Variants in CAMK1D observed in about 807,000 individuals in gnomAD.
CAMK1D encodes the protein calcium/calmodulin dependent protein kinase ID.
Under a neutral mutation model 47.7 loss-of-function variants are expected in CAMK1D, and 9 were observed. That is an observed-to-expected ratio of 0.19 (90% confidence interval 0.11 to 0.33). The LOEUF (loss-of-function observed/expected upper bound fraction) is 0.33. Ranked by LOEUF, CAMK1D falls within the 10% of genes least tolerant of loss-of-function variation. The pLI is 1.00. For synonymous variants in CAMK1D, 184 were observed against 184.9 expected, an observed-to-expected ratio of 0.99 and a Z score of 0.04; for missense variants, 291 against 488.7, an observed-to-expected ratio of 0.60 and a Z score of 3.81.
In CAMK1D at chr10:12,422,115, C is replaced by T. The variant is rs187975790; in HGVS notation, c.92+72205C>T. 1.2e-3 allele frequency among the ~76,000 whole-genome samples: 188 copies of T among 152,122 alleles called. 1 individual carries two copies. The highest frequency in any genetic ancestry group is 4.3e-3 in the African/African-American group (180 of 41,488). On this transcript the variant is annotated intron_variant, in intron 1 of 10. Coordinates refer to ENST00000619168, the MANE Select transcript of CAMK1D (RefSeq NM_153498.4). ...TGAGCCACTGTGCCCAGTCTTGGGA[C>T]ACTTTTTGATAGCTCCTGATCATGC...
At chr10:12,778,968 G>A (rs910532233) in intron 5 of CAMK1D, among the ~76,000 whole-genome samples, 1 of 152,214 alleles carries the variant, frequency 6.6e-6, no homozygotes, top group African/African-American at 2.4e-5. Context: ...TAGGACTTGA[G>A]CAAAAGTAAG....
At chr10:12,505,859 TTCC>T (rs140049789) in intron 1 of CAMK1D, among the ~76,000 whole-genome samples, 36,150 of 151,360 alleles carry the variant, frequency 0.24, 4,865 homozygotes, top group South Asian at 0.33. Context: ...AGCTGTCATC[TTCC>T]TCCTCCTCCT....
intron 5 of CAMK1D, among the ~76,000 whole-genome samples, chr10:12,770,001 C>T (rs192081758): frequency 6.6e-6 from 1 of 152,346 alleles, no homozygotes; most frequent in Non-Finnish European, 1.5e-5. Flanking sequence ...GTGATTTCCC[C>T]TGAAAACTTT....
chr10:12,810,361 G>A (rs183662516), intron 6 of CAMK1D, among the ~76,000 whole-genome samples: 4 of 144,396 alleles, frequency 2.8e-5, no homozygotes, highest in Non-Finnish European at 6.0e-5. Context: ...TGCAACCTCC[G>A]CCTCCCGGGT....
chr10:12,562,306 C>T (rs1836969612), intron 2 of CAMK1D, among the ~76,000 whole-genome samples: 1 of 152,158 alleles, frequency 6.6e-6, no homozygotes, highest in South Asian at 2.1e-4. Context: ...GCATCCATCC[C>T]TACATGATGG....
chr10:12,409,125 G>A lies in CAMK1D; in HGVS notation c.92+59215G>A, dbSNP rs142543288. ...GCCTGCCTCAACCTCCCAAAGTGCT[G>A]GTATTACAGGCGTGAGCCACTGCAC... On this transcript the variant is annotated intron_variant, in intron 1 of 10. Coordinates refer to ENST00000619168, the MANE Select transcript of CAMK1D (RefSeq NM_153498.4). 2.9e-3 allele frequency among the ~76,000 whole-genome samples: 443 copies of A among 152,128 alleles called. 1 individual carries two copies. The highest frequency in any genetic ancestry group is 0.01 in the African/African-American group (418 of 41,508).
At chr10:12,808,148 A>T (rs903223865) in intron 6 of CAMK1D, among the ~76,000 whole-genome samples, 1 of 152,156 alleles carries the variant, frequency 6.6e-6, no homozygotes, top group African/African-American at 2.4e-5. Flanking sequence ...ATTCCTGCTT[A>T]TCCCCTGAGA....
chr10:12,392,321 A>G (rs1838765447), intron 1 of CAMK1D, among the ~76,000 whole-genome samples: 2 of 152,042 alleles, frequency 1.3e-5, no homozygotes, highest in African/African-American at 4.8e-5. Context: ...AAACAAAATC[A>G]AAAATCAAAA....
intron 1 of CAMK1D, among the ~76,000 whole-genome samples, chr10:12,517,680 T>C (rs1274218396): frequency 6.6e-6 from 1 of 152,210 alleles, no homozygotes; most frequent in Non-Finnish European, 1.5e-5. Context: ...ATCGGTTGAT[T>C]TTTGAATGTT....
At chr10:12,427,640 T>C (rs1306922527) in intron 1 of CAMK1D, among the ~76,000 whole-genome samples, 1 of 150,916 alleles carries the variant, frequency 6.6e-6, no homozygotes. Context: ...GTTTCAAGCA[T>C]TTATTTCTGG....
intron 1 of CAMK1D, among the ~76,000 whole-genome samples, chr10:12,391,297 A>G (rs1254438568): frequency 6.6e-6 from 1 of 152,152 alleles, no homozygotes; most frequent in Non-Finnish European, 1.5e-5. Flanking sequence ...CACTATGTAA[A>G]TTAACTTTCC....
At chr10:12,814,528 A>G (rs564724167) in intron 7 of CAMK1D, among the ~76,000 whole-genome samples, 15 of 152,296 alleles carry the variant, frequency 9.8e-5, no homozygotes, top group African/African-American at 3.4e-4. Flanking sequence ...TCAATTCGCC[A>G]GCACATTGAG....
intron 2 of CAMK1D, among the ~76,000 whole-genome samples, chr10:12,653,915 G>A (rs538957946): frequency 5.9e-5 from 9 of 152,146 alleles, no homozygotes; most frequent in Non-Finnish European, 1.3e-4. Flanking sequence ...GCTATTCAGG[G>A]CACCTGTTGG....
At position 12,760,707 on chromosome 10, in the gene CAMK1D, C is replaced by G. The variant is rs1473197502; in HGVS notation, c.300-241C>G. ...CAGAGGCAGAGGCCTGGACAGAACCCAGGTGTGGCTGGTCCGTGGATCGTG... is the reference window on the plus strand; with the variant it reads ...CAGAGGCAGAGGCCTGGACAGAACCGAGGTGTGGCTGGTCCGTGGATCGTG... On this transcript the variant is annotated intron_variant, in intron 3 of 10. Transcript: ENST00000619168. 1.9e-5 allele frequency: 9 copies of G among 463,494 alleles called. No homozygotes were observed. The East Asian group carries it at 3.5e-4, about 18-fold the overall frequency. The allele number at this position is 463,494 out of a possible 1,614,324, so 28.7% of individuals were successfully genotyped here.
At chr10:12,671,659 ATATT>A (rs1392710273) in intron 3 of CAMK1D, among the ~76,000 whole-genome samples, 2 of 151,770 alleles carry the variant, frequency 1.3e-5, no homozygotes, top group Non-Finnish European at 2.9e-5. Flanking sequence ...ACACATATAT[ATATT>A]AAAATCCTTT....
At chr10:12,619,773 T>C (rs1838934996) in intron 2 of CAMK1D, among the ~76,000 whole-genome samples, 2 of 152,032 alleles carry the variant, frequency 1.3e-5, no homozygotes, top group Non-Finnish European at 2.9e-5. Flanking sequence ...ATATTGACAT[T>C]GATACAAGCA....
Position 12,536,305 on chromosome 10 carries a change from G to A in CAMK1D, c.93-16920G>A, listed in dbSNP as rs151318238. 4.7e-4 allele frequency among the ~76,000 whole-genome samples: 72 copies of A among 151,924 alleles called. No individual in the cohort carries two copies. In the East Asian group the frequency reaches 0.012, roughly 25 times the overall value. On this transcript the variant is annotated intron_variant, in intron 1 of 10. Coordinates refer to ENST00000619168, the MANE Select transcript of CAMK1D (RefSeq NM_153498.4). ...TATTTTATTTTATTTTTGAGACGGAGGCTCACTCTGTCTCCAAGGCTGGAG... is the reference window on the plus strand; with the variant it reads ...TATTTTATTTTATTTTTGAGACGGAAGCTCACTCTGTCTCCAAGGCTGGAG...
At chr10:12,444,762 A>T (rs1564344032) in intron 1 of CAMK1D, among the ~76,000 whole-genome samples, 3 of 152,336 alleles carry the variant, frequency 2.0e-5, no homozygotes, top group Admixed American at 6.5e-5. Flanking sequence ...TTATCTAAAG[A>T]TGTGGAATCC....
chr10:12,744,222 C>G (rs936423406), intron 3 of CAMK1D, among the ~76,000 whole-genome samples: 6 of 152,046 alleles, frequency 3.9e-5, no homozygotes, highest in African/African-American at 1.4e-4. Context: ...TTTTGTTTTT[C>G]CATTCATCAA....
Sources: gnomAD v4.1 joint callset for allele counts (sites outside exome capture counted in the v4.1 genomes callset) on GRCh38, gnomAD v4.1.1 for gene constraint, MANE v1.5 for transcripts, NCBI Gene and HGNC (gene_info 2026-07-23, HGNC 2026-07-21) for gene names.